Variants in DENND4B observed in about 807,000 individuals in gnomAD.
DENND4B encodes the protein DENN domain-containing protein 4B.
Under a neutral mutation model 161.0 loss-of-function variants are expected in DENND4B, and 67 were observed. That is an observed-to-expected ratio of 0.42 (90% CI 0.34 to 0.51). DENND4B has a LOEUF of 0.51. Among genes scored for constraint, DENND4B ranks in the 20% least tolerant of loss-of-function variants. The pLI is 0.08. For missense variants in DENND4B, 1,481 were observed against 1,968.0 expected (o/e 0.75, Z 4.68); for synonymous variants, 753 against 813.8 (o/e 0.93, Z 1.27).
At chr1:153,941,725 G>T in intron 6 of DENND4B, 144 bp downstream of exon 6, 1 of 1,410,058 alleles carries the variant, frequency 7.1e-7, no homozygotes, top group Non-Finnish European at 9.4e-7. Flanking sequence ...TTTTACAGTG[G>T]ATAAACTGTA....
Position 153,944,758 on chromosome 1 carries a change from C to T in DENND4B, c.-23-361G>A, listed in dbSNP as rs1430863226. Among the ~76,000 whole-genome samples, 1 of 152,200 alleles carries T rather than the reference C, an allele frequency of 6.6e-6. No homozygotes were observed. Among genetic ancestry groups the T allele is most frequent in the African/African-American group, 2.4e-5 (1 of 41,436 alleles). ...ATAGCCTTCCATGACATCATTCATG[C>T]TGGCCATGACATCATACCAACCTTA... is the stretch of plus-strand genomic sequence containing the variant. On this transcript the variant is annotated intron_variant, in intron 1 of 27. Transcript: ENST00000361217. The surrounding 1 kb of genome is among the most constrained non-coding windows in gnomAD (Gnocchi z 4.8).
intron 6 of DENND4B, 97 bp downstream of exon 6, chr1:153,941,772 C>CCCGGGGGGGGG: frequency 6.8e-7 from 1 of 1,464,446 alleles, no homozygotes; most frequent in Non-Finnish European, 9.3e-7. Flanking sequence ...TACCCTGTGC[C>CCCGGGGGGGGG]CAGCCCTCCC....
At position 153,944,358 on chromosome 1, in the gene DENND4B, G is replaced by C. The variant is rs558237145; in HGVS notation, c.17C>G (p.Pro6Arg). ...CACGAAGTAATCCACCAGCCGGGGG[G>C]GCCGCTCCTCCGCCATGGCCCCCCC... MAEER[P>R]PRLVDYFVVA... The change falls in exon 2 of 28, where the codon CCC (proline) becomes CGC (arginine). Residue 6 changes from proline to arginine, a missense_variant. Pro to Arg is a moderately radical substitution (Grantham distance 103, BLOSUM62 -2). This residue lies in a region of DENND4B where 806 missense variants were observed against 1,134.4 expected (regional missense o/e 0.71). Transcript: ENST00000361217. The surrounding 1 kb of genome is among the most constrained non-coding windows in gnomAD (Gnocchi z 4.8). The C allele has an allele frequency of 6.2e-7, 1 of 1,606,962 alleles. No homozygotes were observed. Among genetic ancestry groups the C allele is most frequent in the Non-Finnish European group, 8.5e-7 (1 of 1,176,996 alleles).
Position 153,934,292 on chromosome 1 carries a change from C to G in DENND4B, c.2784G>C (p.Leu928Phe). The G allele has an allele frequency of 6.3e-7, 1 of 1,587,336 alleles. No homozygotes were observed. The highest frequency in any genetic ancestry group is 8.6e-7 in the Non-Finnish European group (1 of 1,169,034). Residue 928 changes from leucine to phenylalanine, a missense_variant, in exon 19 of 28, where the codon TTG becomes TTC. Physicochemically the swap from Leu to Phe is conservative, Grantham distance 22. Transcript: ENST00000361217. This position sits in a 1 kb window ranked among gnomAD's most constrained non-coding sequence, Gnocchi z 5.3. ...EAGSSQAEPY[L>F]ERPSPTRPLQ... ...GAGGGCGAGTAGGGGAAGGGCGCTCCAAATAGGGCTCTGTAAAAGACGAGA... is the reference window on the plus strand; with the variant it reads ...GAGGGCGAGTAGGGGAAGGGCGCTCGAAATAGGGCTCTGTAAAAGACGAGA...
intron 17 of DENND4B, 79 bp from the exon 18 acceptor site, chr1:153,935,043 C>A: frequency 6.4e-7 from 1 of 1,568,154 alleles, no homozygotes; most frequent in Non-Finnish European, 8.6e-7. Context: ...GTCTTGGAGC[C>A]CCAGGGACCG....
At position 153,942,946 on chromosome 1, in the gene DENND4B, G is replaced by T; in HGVS notation, c.502C>A (p.Leu168Met). 6.2e-7 allele frequency: 1 copy of T among 1,613,628 alleles called. No homozygotes were observed. Among genetic ancestry groups the T allele is most frequent in the South Asian group, 1.1e-5 (1 of 91,078 alleles). Residue 168 changes from leucine (L) to methionine (M), a missense_variant, in exon 3 of 28, where the codon CTG becomes ATG. Coordinates refer to ENST00000361217, the MANE Select transcript of DENND4B (RefSeq NM_014856.3). The surrounding 1 kb of genome is among the most constrained non-coding windows in gnomAD (Gnocchi z 6.9). ...GGAGTGCCCTCGCCCTTACTGGGCA[G>T]CACCAGGCAGAGGTCAGTGATGCCC... ...ALGITDLCLV[L>M]PSKGEGTPHT... is the part of the protein sequence containing the mutation.
In DENND4B at chr1:153,932,910, A is replaced by T. The variant is rs1470136662; in HGVS notation, c.3574T>A (p.Cys1192Ser). 6.2e-7 allele frequency: 1 copy of T among 1,614,036 alleles called. No homozygotes were observed. Among genetic ancestry groups the T allele is most frequent in the Admixed American group, 1.7e-5 (1 of 60,028 alleles). Residue 1192 changes from cysteine to serine, a missense_variant, in exon 22 of 28, where the codon TGC becomes AGC. Physicochemically the swap from Cys to Ser is moderately radical, Grantham distance 112. Around this residue, in one of 3 missense-constraint regions of DENND4B, gnomAD observed 336 missense variants for 503.3 expected, o/e 0.67. Coordinates refer to ENST00000361217, the MANE Select transcript of DENND4B (RefSeq NM_014856.3). This position sits in a 1 kb window ranked among gnomAD's most constrained non-coding sequence, Gnocchi z 5.8. ...NLNTTCPFCA[C>S]PFVPLLSVQT... is the part of the protein sequence containing the mutation. ...ACACTGAGCAGGGGCACAAAGGGGC[A>T]GGCGCAGAAGGGGCAGGTTGTGTTG...
In DENND4B at chr1:153,946,484, G is replaced by A. The variant is rs1679981485; in HGVS notation, c.-207C>T. 2.6e-6 allele frequency: 1 copy of A among 389,700 alleles called. No individual in the cohort carries two copies. Among genetic ancestry groups the A allele is most frequent in the South Asian group, 1.3e-4 (1 of 7,812 alleles). The allele number at this position is 389,700 out of a possible 1,614,324, so 24.1% of individuals were successfully genotyped here. On this transcript the variant is annotated 5_prime_UTR_variant, in exon 1 of 28. Transcript: ENST00000361217. This position sits in a 1 kb window ranked among gnomAD's most constrained non-coding sequence, Gnocchi z 6.3. ...AGGACCGCAGAGCGCGGGGCGCAGT[G>A]GAAGGAGATCCGGGCGGTCCCCGCG...
chr1:153,946,154 CCACTTT>C lies in DENND4B; in HGVS notation c.-24+141_-24+146del. On this transcript the variant is annotated intron_variant, in intron 1 of 27. Coordinates refer to ENST00000361217, the MANE Select transcript of DENND4B (RefSeq NM_014856.3). The surrounding 1 kb of genome is among the most constrained non-coding windows in gnomAD (Gnocchi z 6.3). Reference sequence around the variant, plus strand: ...CTAATTGCGGGAGGTGCCCTCCCCTCCACTTTCACTTCCCCAGGAGAGAGGAACCGG... The same window carrying C: ...CTAATTGCGGGAGGTGCCCTCCCCTCCACTTCCCCAGGAGAGAGGAACCGG... 1 of 286,706 alleles carries C rather than the reference CCACTTT, an allele frequency of 3.5e-6. No individual in the cohort carries two copies. Among genetic ancestry groups the C allele is most frequent in the Non-Finnish European group, 6.4e-6 (1 of 155,434 alleles). 17.8% of individuals were successfully genotyped at this position (286,706 alleles called of 1,614,324 possible).
rs1679601095 is a variant in DENND4B, at chr1:153,940,419, C to A, written c.1502+12G>T. On this transcript the variant is annotated intron_variant, in intron 10 of 27. Coordinates refer to ENST00000361217, the MANE Select transcript of DENND4B (RefSeq NM_014856.3). This position sits in a 1 kb window ranked among gnomAD's most constrained non-coding sequence, Gnocchi z 5.6. ...CCACCCTGCAGCCCCCAAATGAGAC[C>A]CAGCCTCTTACTGGAAGAGCGTGTT... 1.2e-6 allele frequency: 2 copies of A among 1,610,122 alleles called. No individual in the cohort carries two copies. The highest frequency in any genetic ancestry group is 1.3e-5 in the African/African-American group (1 of 74,960).
chr1:153,941,775 GCCCTC>G, intron 6 of DENND4B, 89 bp downstream of exon 6: 26 of 1,338,140 alleles, frequency 1.9e-5, no homozygotes, highest in East Asian at 2.6e-5. Context: ...CCTGTGCCCA[GCCCTC>G]CCCCCACCCA....
Position 153,942,413 on chromosome 1 carries a change from AG to A in DENND4B, c.641-58del. On this transcript the variant is annotated intron_variant, in intron 4 of 27. Transcript: ENST00000361217. This position sits in a 1 kb window ranked among gnomAD's most constrained non-coding sequence, Gnocchi z 6.9. ...AAGGAGCAGGGTCCATCAGACTCCA[AG>A]GGAAATGAACCAAGGGATCCCAGAG... 1 of 1,589,776 alleles carries A rather than the reference AG, an allele frequency of 6.3e-7. No homozygotes were observed. The highest frequency in any genetic ancestry group is 8.6e-7 in the Non-Finnish European group (1 of 1,167,984).
intron 6 of DENND4B, 94 bp downstream of exon 6, chr1:153,941,775 G>GCCC: frequency 7.5e-7 from 1 of 1,338,162 alleles, no homozygotes; most frequent in Non-Finnish European, 1.0e-6. Context: ...CCTGTGCCCA[G>GCCC]CCCTCCCCCC....
rs1475484834 is a variant in DENND4B, at chr1:153,933,079, T to C, written c.3454-49A>G. The C allele has an allele frequency of 1.2e-6, 2 of 1,610,310 alleles. No individual in the cohort carries two copies. The highest frequency in any genetic ancestry group is 2.2e-5 in the East Asian group (1 of 44,816). ...GTAGGTGCTGTCTGGCCGCCAGCAC[T>C]CTGGAGCCCATGCCCCTTCCCCAGC... On this transcript the variant is annotated intron_variant, in intron 21 of 27. Coordinates refer to ENST00000361217, the MANE Select transcript of DENND4B (RefSeq NM_014856.3). The surrounding 1 kb of genome is among the most constrained non-coding windows in gnomAD (Gnocchi z 5.7).
rs1414492785 is a variant in DENND4B, at chr1:153,942,548, C to T, written c.640+8G>A. 1.7e-5 allele frequency: 27 copies of T among 1,593,400 alleles called. No individual in the cohort carries two copies. The highest frequency in any genetic ancestry group is 2.1e-5 in the Non-Finnish European group (25 of 1,169,844). On this transcript the variant is annotated splice_region_variant and intron_variant, in intron 4 of 27. Transcript: ENST00000361217. This position sits in a 1 kb window ranked among gnomAD's most constrained non-coding sequence, Gnocchi z 6.9. ...TCACAGGATTGGAGGGATAAAGGGG[C>T]CACTCACCTGCCTCGTACACCAGCG...
Position 153,930,648 on chromosome 1 carries a change from G to A in DENND4B, c.4280+44C>T. The A allele has an allele frequency of 6.2e-7, 1 of 1,613,722 alleles. No homozygotes were observed. Among genetic ancestry groups the A allele is most frequent in the East Asian group, 2.2e-5 (1 of 44,878 alleles). On this transcript the variant is annotated intron_variant, in intron 26 of 27. Transcript: ENST00000361217. The surrounding 1 kb of genome is among the most constrained non-coding windows in gnomAD (Gnocchi z 4.7). ...GTATGAGTGAGAGAAAAGGGGTGTG[G>A]AGCCCCGGACAGACCAGGGATCACC... is the stretch of plus-strand genomic sequence containing the variant.
chr1:153,941,125 C>G (rs759698046), intron 8 of DENND4B, 77 bp from the exon 9 acceptor site: 1 of 1,566,746 alleles, frequency 6.4e-7, no homozygotes, highest in Non-Finnish European at 8.6e-7. Flanking sequence ...GGCACAGCCA[C>G]CACCTGGACC....
chr1:153,940,924 C>A lies in DENND4B; in HGVS notation c.1306G>T (p.Val436Phe). 2 of 1,582,108 alleles carry A rather than the reference C, an allele frequency of 1.3e-6. No individual in the cohort carries two copies. The highest frequency in any genetic ancestry group is 2.3e-5 in the South Asian group (2 of 87,630). Reference sequence around the variant, plus strand: ...CTCACCGAGACGAGGGCCTCACAGACGCTGGTGAGCAGGTCTGGCCGCAGC... The same window carrying A: ...CTCACCGAGACGAGGGCCTCACAGAAGCTGGTGAGCAGGTCTGGCCGCAGC... ...HSLRPDLLTS[V>F]CEALVSMIFP... Residue 436 changes from valine (V) to phenylalanine (F), a missense_variant, in exon 9 of 28, where the codon GTC (valine) becomes TTC (phenylalanine). Val to Phe is a conservative substitution (Grantham distance 50). This residue lies in a region of DENND4B where 806 missense variants were observed against 1,134.4 expected (regional missense o/e 0.71). Transcript: ENST00000361217. This position sits in a 1 kb window ranked among gnomAD's most constrained non-coding sequence, Gnocchi z 5.6.
At position 153,941,976 on chromosome 1, in the gene DENND4B, A is replaced by G. The variant is rs374634665; in HGVS notation, c.948T>C (p.Arg316=). 1.9e-4 allele frequency: 312 copies of G among 1,612,356 alleles called. No individual in the cohort carries two copies. The Middle Eastern group carries it at 6.7e-3, about 35-fold the overall frequency. ...ALGGRAVRSR[R]AIAVLSRWPA... is the part of the protein sequence containing the mutation. ...GCCAGCGGGACAGCACAGCGATGGC[A>G]CGCCGGCTGCGCACAGCTCTGCCCC... is the stretch of plus-strand genomic sequence containing the variant. Residue 316 remains arginine, a synonymous_variant, in exon 6 of 28, where the codon CGT becomes CGC. Coordinates refer to ENST00000361217, the MANE Select transcript of DENND4B (RefSeq NM_014856.3).
Sources: gnomAD v4.1 joint callset for allele counts (sites outside exome capture counted in the v4.1 genomes callset) on GRCh38, gnomAD v4.1.1 for gene constraint, gnomAD v4.1.1 regional missense constraint, Gnocchi (gnomAD v3.1) non-coding constraint, MANE v1.5 for transcripts, NCBI Gene and HGNC (gene_info 2026-07-23, HGNC 2026-07-21) for gene names.